ZNF331: variants seen among roughly 807,000 people sequenced by gnomAD.
ZNF331 encodes zinc finger protein 331.
In ZNF331, 2 loss-of-function variants were observed where a neutral mutation model predicts 7.0. That is an observed-to-expected ratio of 0.29 (90% CI 0.12 to 0.90). The LOEUF is 0.90. Ranked by LOEUF, ZNF331 falls within the 40% of genes least tolerant of loss-of-function variation. ZNF331 has a pLI of 0.58. For synonymous variants in ZNF331, 196 were observed against 205.4 expected, an observed-to-expected ratio of 0.95 and a Z score of 0.39; for missense variants, 432 against 587.7, an observed-to-expected ratio of 0.74 and a Z score of 2.74.
At chr19:53,544,499 C>T (rs1036619794) in intron 2 of ZNF331, among the ~76,000 whole-genome samples, 5 of 147,586 alleles carry the variant, frequency 3.4e-5, no homozygotes, top group Non-Finnish European at 7.4e-5. Context: ...GAGCCGAGAT[C>T]ACGCCACTGC....
intron 2 of ZNF331, 51 bp from the exon 3 acceptor site, chr19:53,555,794 T>C (rs549707381): frequency 5.3e-5 from 8 of 152,214 alleles, no homozygotes; most frequent in Middle Eastern, 3.4e-3. Flanking sequence ...TATTTCTCAT[T>C]GGTTTTATTA....
At chr19:53,569,486 A>G in intron 4 of ZNF331, 101 bp downstream of exon 4, 4 of 1,372,078 alleles carry the variant, frequency 2.9e-6, no homozygotes, top group Non-Finnish European at 4.1e-6. Flanking sequence ...AGCTCTTTAT[A>G]ATTACCTGTT....
chr19:53,515,640 G>C (rs2086887297), upstream of ZNF331, among the ~76,000 whole-genome samples: 1 of 152,176 alleles, frequency 6.6e-6, no homozygotes, highest in African/African-American at 2.4e-5. Flanking sequence ...TGGGATTACA[G>C]GCATGTGCCA....
chr19:53,572,814 G>A lies in ZNF331; in HGVS notation c.136+1084G>A, dbSNP rs115780789. ...TGAAACACAGTGATGCAGTCAGACG[G>A]AGGGAGCAGGAGCTAGAATCAGATT... On this transcript the variant is annotated intron_variant, in intron 5 of 5. Transcript: ENST00000449416. Among the ~76,000 whole-genome samples the A allele has an allele frequency of 3.7e-3, 568 of 152,130 alleles. 7 individuals carry two copies. Among genetic ancestry groups the A allele is most frequent in the African/African-American group, 0.013 (538 of 41,528 alleles).
chr19:53,533,980 ATAAAG>A (rs533394867), upstream of ZNF331, among the ~76,000 whole-genome samples: 65 of 152,344 alleles, frequency 4.3e-4, no homozygotes, highest in African/African-American at 1.5e-3. Context: ...TACTCCTACA[ATAAAG>A]TAAGCTAGAG....
At chr19:53,557,441 C>T (rs930477611) in intron 3 of ZNF331, among the ~76,000 whole-genome samples, 1 of 152,164 alleles carries the variant, frequency 6.6e-6, no homozygotes, top group Non-Finnish European at 1.5e-5. Flanking sequence ...TAATCCTATT[C>T]CTGAGCACTC....
intron 3 of ZNF331, among the ~76,000 whole-genome samples, chr19:53,564,947 G>C (rs917002135): frequency 1.1e-4 from 17 of 152,136 alleles, no homozygotes; most frequent in Non-Finnish European, 1.9e-4. Context: ...AGAAAAAACT[G>C]ATTTTTTGAA....
chr19:53,528,554 A>G (rs749783616), intron 2 of ZNF331, among the ~76,000 whole-genome samples: 5 of 152,206 alleles, frequency 3.3e-5, no homozygotes, highest in Non-Finnish European at 7.3e-5. Flanking sequence ...GAGGTTAGTA[A>G]CTGTCAGAGT....
intron 2 of ZNF331, among the ~76,000 whole-genome samples, chr19:53,527,214 C>T (rs2708755): frequency 6.6e-6 from 1 of 151,638 alleles, no homozygotes. Flanking sequence ...TAAGGAAGTC[C>T]TGAATTTAAA....
Position 53,538,265 on chromosome 19 carries a change from C to G in ZNF331, c.-236C>G, listed in dbSNP as rs1486213439. ...GCTGGGTGCGCGTTTGCACCAGTGA[C>G]GCAGCCGCTGCATCTCCGCCAGTCC... On this transcript the variant is annotated 5_prime_UTR_variant, in exon 1 of 6. Transcript: ENST00000449416. 1 of 152,210 alleles carries G rather than the reference C, an allele frequency of 6.6e-6. No homozygotes were observed. The highest frequency in any genetic ancestry group is 2.4e-5 in the African/African-American group (1 of 41,456). 9.4% of individuals were successfully genotyped at this position (152,210 alleles called of 1,614,324 possible). A position where few individuals can be genotyped will look rare whatever the true frequency, so the allele number is the denominator to read the frequency against.
At chr19:53,574,917 A>G (rs1015735049) in intron 5 of ZNF331, among the ~76,000 whole-genome samples, 15 of 146,950 alleles carry the variant, frequency 1.0e-4, no homozygotes, top group Non-Finnish European at 9.0e-5. Context: ...GTCAGTTTTT[A>G]TGTTGTATTT....
At position 53,576,856 on chromosome 19, in the gene ZNF331, A is replaced by C. The variant is rs1387980508; in HGVS notation, c.296A>C (p.Tyr99Ser). Residue 99 changes from tyrosine to serine, a missense_variant, in exon 6 of 6, where the codon TAT becomes TCT. Coordinates refer to ENST00000449416, the MANE Select transcript of ZNF331 (RefSeq NM_001079906.2). ...LERPQRSRGRYVNQMIINYVK... is the reference protein window; with the variant it reads ...LERPQRSRGRSVNQMIINYVK... ...AGACCACAGCGCTCCAGAGGGAGGT[A>C]TGTCAATCAGATGATCATCAATTAT... The C allele has an allele frequency of 6.2e-7, 1 of 1,614,196 alleles. No homozygotes were observed. Among genetic ancestry groups the C allele is most frequent in the Non-Finnish European group, 8.5e-7 (1 of 1,180,050 alleles).
exon 1 of ZNF331, chr19:53,521,643 A>T (rs1304745134): frequency 2.0e-5 from 3 of 152,510 alleles, no homozygotes; most frequent in African/African-American, 7.2e-5. Context: ...GGGTCTGCAG[A>T]GGTGGCACGG....
the ZNF331 span, among the ~76,000 whole-genome samples, chr19:53,504,942 C>G: frequency 5.0e-4 from 76 of 152,296 alleles, no homozygotes; most frequent in African/African-American, 1.7e-3. Context: ...CTCTCTAACC[C>G]TGGAATGGGG....
chr19:53,572,722 A>C (rs1390285881), intron 5 of ZNF331, among the ~76,000 whole-genome samples: 2 of 151,568 alleles, frequency 1.3e-5, no homozygotes, highest in East Asian at 1.9e-4. Context: ...GTGTAAGTAC[A>C]TTGCATTTCG....
the ZNF331 span, among the ~76,000 whole-genome samples, chr19:53,506,510 C>CTG: frequency 1.4e-5 from 2 of 146,648 alleles, no homozygotes; most frequent in African/African-American, 5.0e-5. Flanking sequence ...CTCTCTCTGT[C>CTG]TCTCTCTCTC....
At chr19:53,543,098 C>G (rs191534195) in intron 2 of ZNF331, among the ~76,000 whole-genome samples, 2 of 152,044 alleles carry the variant, frequency 1.3e-5, no homozygotes, top group African/African-American at 4.8e-5. Flanking sequence ...CATGAGCCAC[C>G]GCGCCCAGTG....
At chr19:53,513,747 G>A in the ZNF331 span, among the ~76,000 whole-genome samples, 1 of 152,092 alleles carries the variant, frequency 6.6e-6, no homozygotes, top group Non-Finnish European at 1.5e-5. Flanking sequence ...CGCCTTCCGG[G>A]GAGGCGTGAT....
chr19:53,518,397 T>A (rs2086956641), upstream of ZNF331, among the ~76,000 whole-genome samples: 3 of 152,234 alleles, frequency 2.0e-5, no homozygotes, highest in Admixed American at 2.0e-4. Context: ...GGCTTCTTTT[T>A]TCCTCAGCTT....
Sources: gnomAD v4.1 joint callset for allele counts (sites outside exome capture counted in the v4.1 genomes callset) on GRCh38, gnomAD v4.1.1 for gene constraint, MANE v1.5 for transcripts, NCBI Gene and HGNC (gene_info 2026-07-23, HGNC 2026-07-21) for gene names.